Variants in ELOVL6 observed in about 807,000 individuals in gnomAD.
ELOVL6 encodes the protein ELOVL fatty acid elongase 6.
A neutral mutation model predicts 31.7 loss-of-function variants in ELOVL6; 8 were observed. The observed-to-expected ratio is 0.25, with a 90% CI of 0.15 to 0.45. The LOEUF (loss-of-function observed/expected upper bound fraction) is 0.45. Ranked by LOEUF, ELOVL6 falls within the 20% of genes least tolerant of loss-of-function variation. The probability of loss-of-function intolerance (pLI) is 1.00; values close to 1 mark genes in which losing one functional copy is unlikely to be tolerated. For missense variants in ELOVL6, 126 were observed against 326.4 expected (o/e 0.39, Z 4.73); for synonymous variants, 101 against 117.7 (o/e 0.86, Z 0.92).
chr4:110,160,681 T>A (rs1341194109), intron 1 of ELOVL6, among the ~76,000 whole-genome samples: 1 of 152,258 alleles, frequency 6.6e-6, no homozygotes, highest in Non-Finnish European at 1.5e-5. Context: ...GTTGTTGCAA[T>A]GTGCACTTTT....
chr4:110,141,854 A>ATTATATATATAT (rs1304359285), intron 1 of ELOVL6, among the ~76,000 whole-genome samples: 2 of 53,610 alleles, frequency 3.7e-5, no homozygotes, highest in Non-Finnish European at 8.0e-5. Context: ...CAATACAATT[A>ATTATATATATAT]GTATATATAT....
intron 1 of ELOVL6, among the ~76,000 whole-genome samples, chr4:110,114,034 T>A (rs1471650113): frequency 6.6e-6 from 1 of 152,130 alleles, no homozygotes; most frequent in Non-Finnish European, 1.5e-5. Context: ...GAGAAGCCCT[T>A]GAGCTCGAGA....
At chr4:110,055,679 T>C (rs1251313170) in intron 3 of ELOVL6, among the ~76,000 whole-genome samples, 1 of 151,210 alleles carries the variant, frequency 6.6e-6, no homozygotes, top group Admixed American at 6.6e-5. Context: ...GCTGAGTCCC[T>C]CTTCCCAGAG....
chr4:110,051,816 G>T lies in ELOVL6; in HGVS notation c.374-54C>A. 6.7e-7 allele frequency: 1 copy of T among 1,485,040 alleles called. No homozygotes were observed. Among genetic ancestry groups the T allele is most frequent in the South Asian group, 1.3e-5 (1 of 79,912 alleles). The allele number at this position is 1,485,040 out of a possible 1,614,324, so 92.0% of individuals were successfully genotyped here. A position where few individuals can be genotyped will look rare whatever the true frequency, so the allele number is the denominator to read the frequency against. On this transcript the variant is annotated intron_variant, in intron 3 of 3. Transcript: ENST00000302274. This position sits in a 1 kb window ranked among gnomAD's most constrained non-coding sequence, Gnocchi z 4.8. ...GAGATCCTTGACCACCAGTAACGAT[G>T]ACTTACAGTTTTGTAAGAGGGTAGA...
At chr4:110,125,075 T>C (rs1168328939) in intron 1 of ELOVL6, among the ~76,000 whole-genome samples, 1 of 152,164 alleles carries the variant, frequency 6.6e-6, no homozygotes, top group Non-Finnish European at 1.5e-5. Flanking sequence ...GCAAATGAAA[T>C]GAATAAATAT....
At chr4:110,139,684 T>C (rs1346103700) in intron 1 of ELOVL6, among the ~76,000 whole-genome samples, 2 of 152,018 alleles carry the variant, frequency 1.3e-5, no homozygotes, top group Non-Finnish European at 2.9e-5. Context: ...TTATCTAAGA[T>C]TTTTTTTGCT....
At chr4:110,057,251 G>C (rs1322186142) in intron 3 of ELOVL6, among the ~76,000 whole-genome samples, 1 of 151,942 alleles carries the variant, frequency 6.6e-6, no homozygotes, top group African/African-American at 2.4e-5. Flanking sequence ...GTGATCTGAG[G>C]CTTAAAGGTC....
chr4:110,136,539 T>TA (rs1354035226), intron 1 of ELOVL6, among the ~76,000 whole-genome samples: 1 of 152,120 alleles, frequency 6.6e-6, no homozygotes, highest in Non-Finnish European at 1.5e-5. Flanking sequence ...ACTAACAACT[T>TA]GAGATGTAGT....
At chr4:110,120,242 A>G (rs921910591) in intron 1 of ELOVL6, among the ~76,000 whole-genome samples, 6 of 151,670 alleles carry the variant, frequency 4.0e-5, no homozygotes, top group African/African-American at 1.5e-4. Flanking sequence ...TCTTTTTTCT[A>G]CTTTGCTTGT....
rs561158536 is a variant in ELOVL6, at chr4:110,105,328, T to C, written c.221+169A>G. Among the ~76,000 whole-genome samples the C allele has an allele frequency of 2.6e-5, 4 of 152,334 alleles. No individual in the cohort carries two copies. The East Asian group carries it at 7.7e-4, about 29-fold the overall frequency. On this transcript the variant is annotated intron_variant, in intron 2 of 3. Transcript: ENST00000302274. Reference sequence around the variant, plus strand: ...AAAATATATAAGGTTGAATACATCATGGCAAATGGTGGCAGTGAAGGCTTT... The same window carrying C: ...AAAATATATAAGGTTGAATACATCACGGCAAATGGTGGCAGTGAAGGCTTT...
intron 1 of ELOVL6, among the ~76,000 whole-genome samples, chr4:110,191,098 T>C (rs1247204398): frequency 6.6e-6 from 1 of 152,114 alleles, no homozygotes; most frequent in Non-Finnish European, 1.5e-5. Flanking sequence ...GGATTACAGG[T>C]GTGAGCCACC....
intron 3 of ELOVL6, among the ~76,000 whole-genome samples, chr4:110,056,127 G>GA (rs567023195): frequency 3.5e-5 from 5 of 142,708 alleles, no homozygotes; most frequent in African/African-American, 8.1e-5. Context: ...GGAGCTGGGG[G>GA]GGGGGATACA....
chr4:110,128,195 G>C (rs982156455), intron 1 of ELOVL6, among the ~76,000 whole-genome samples: 1 of 152,158 alleles, frequency 6.6e-6, no homozygotes, highest in African/African-American at 2.4e-5. Flanking sequence ...TATGGGCAAA[G>C]AGCCAGAGGC....
Position 110,112,437 on chromosome 4 carries a change from G to A in ELOVL6, c.90-6809C>T, listed in dbSNP as rs191792263. Among the ~76,000 whole-genome samples, 8 of 152,326 alleles carry A rather than the reference G, an allele frequency of 5.3e-5. No homozygotes were observed. In the East Asian group the frequency reaches 7.7e-4, roughly 15 times the overall value. On this transcript the variant is annotated intron_variant, in intron 1 of 3. Transcript: ENST00000302274. ...GAATTGTCAGTTTCAATCCTAAAGCGTTGCATCTTAGAGAGGTACAAGAAT... is the reference window on the plus strand; with the variant it reads ...GAATTGTCAGTTTCAATCCTAAAGCATTGCATCTTAGAGAGGTACAAGAAT...
At position 110,105,260 on chromosome 4, in the gene ELOVL6, C is replaced by A. The variant is rs80024055; in HGVS notation, c.221+237G>T. ...TCCTAACAGATCAATCAGATTACTG[C>A]ATGACCAATTTGGACAGGACAAGAG... On this transcript the variant is annotated intron_variant, in intron 2 of 3. Coordinates refer to ENST00000302274, the MANE Select transcript of ELOVL6 (RefSeq NM_024090.3). Among the ~76,000 whole-genome samples the A allele has an allele frequency of 2.0e-5, 3 of 152,276 alleles. No homozygotes were observed. The East Asian group carries it at 5.8e-4, about 29-fold the overall frequency.
rs531668119 is a variant in ELOVL6, at chr4:110,084,394, G to C, written c.221+21103C>G. ...GATATATGATATATATCGCATATATGATATATGATATATGACATACATGAT... is the reference window on the plus strand; with the variant it reads ...GATATATGATATATATCGCATATATCATATATGATATATGACATACATGAT... On this transcript the variant is annotated intron_variant, in intron 2 of 3. Coordinates refer to ENST00000302274, the MANE Select transcript of ELOVL6 (RefSeq NM_024090.3). 1.6e-3 allele frequency among the ~76,000 whole-genome samples: 67 copies of C among 41,106 alleles called. 3 individuals carry two copies. The highest frequency in any genetic ancestry group is 3.7e-3 in the African/African-American group (48 of 13,070). 27.0% of individuals were successfully genotyped at this position (41,106 alleles called of 152,430 possible).
At chr4:110,054,118 A>T (rs1396677768) in intron 3 of ELOVL6, among the ~76,000 whole-genome samples, 1 of 152,104 alleles carries the variant, frequency 6.6e-6, no homozygotes, top group African/African-American at 2.4e-5. Flanking sequence ...TAAATAAATT[A>T]ATTAAATAAA....
At chr4:110,064,050 C>G (rs980547541) in intron 2 of ELOVL6, among the ~76,000 whole-genome samples, 7 of 147,214 alleles carry the variant, frequency 4.8e-5, no homozygotes, top group Non-Finnish European at 1.0e-4. Context: ...TGCACTCCAG[C>G]CTGGGCAACA....
rs1405445551 is a variant in ELOVL6, at chr4:110,084,056, T to C, written c.221+21441A>G. On this transcript the variant is annotated intron_variant, in intron 2 of 3. Coordinates refer to ENST00000302274, the MANE Select transcript of ELOVL6 (RefSeq NM_024090.3). ...TATGGTATATAACACATGCTATATA[T>C]GATATATAACATATATATGCTATAT... Among the ~76,000 whole-genome samples the C allele has an allele frequency of 2.3e-3, 245 of 107,110 alleles. 32 individuals carry two copies. The highest frequency in any genetic ancestry group is 4.6e-3 in the East Asian group (15 of 3,244). 70.3% of individuals were successfully genotyped at this position (107,110 alleles called of 152,430 possible). A position where few individuals can be genotyped will look rare whatever the true frequency, so the allele number is the denominator to read the frequency against.
Sources: allele counts gnomAD v4.1 joint callset (sites outside exome capture counted in the v4.1 genomes callset), GRCh38; gene constraint gnomAD v4.1.1; non-coding constraint Gnocchi (gnomAD v3.1); transcripts MANE v1.5; gene names NCBI Gene and HGNC (gene_info 2026-07-23, HGNC 2026-07-21).